YPEL2: variants seen among roughly 807,000 people sequenced by gnomAD.
The protein encoded by YPEL2 is yippee like 2, also known as protein yippee-like 2.
A neutral mutation model predicts 19.1 loss-of-function variants in YPEL2; 2 were observed. The ratio of observed to expected loss-of-function variants is 0.10; its 90% CI spans 0.04 to 0.33. The LOEUF is 0.33. YPEL2 is among the 10% of genes least tolerant of loss of function. The pLI, the probability that YPEL2 is intolerant of heterozygous loss-of-function variation, is 1.00. For synonymous variants in YPEL2, 52 were observed against 50.0 expected (o/e 1.04, Z -0.17); for missense variants, 66 against 140.7 (o/e 0.47, Z 2.68).
intron 1 of YPEL2, among the ~76,000 whole-genome samples, chr17:59,339,915 C>G (rs73323182): frequency 0.045 from 6,822 of 152,076 alleles, 522 homozygotes; most frequent in African/African-American, 0.15. Context: ...TCCAGGGTCT[C>G]TCTCCCAAAC....
At chr17:59,361,151 C>T (rs960367849) in intron 2 of YPEL2, among the ~76,000 whole-genome samples, 3 of 152,244 alleles carry the variant, frequency 2.0e-5, no homozygotes, top group Middle Eastern at 3.4e-3. Flanking sequence ...TTGTATAGCA[C>T]GGTTGGTCCA....
chr17:59,365,240 T>C (rs2047862464), intron 2 of YPEL2, among the ~76,000 whole-genome samples: 1 of 152,190 alleles, frequency 6.6e-6, no homozygotes, highest in African/African-American at 2.4e-5. Flanking sequence ...ATCTGTCGTC[T>C]TTTGAGGCCT....
At chr17:59,344,572 A>C (rs905488615) in intron 1 of YPEL2, among the ~76,000 whole-genome samples, 1 of 152,184 alleles carries the variant, frequency 6.6e-6, no homozygotes, top group African/African-American at 2.4e-5. Flanking sequence ...AGCCTGGCCA[A>C]CTTGGCGAAA....
At chr17:59,360,478 AC>A (rs2047835285) in intron 2 of YPEL2, among the ~76,000 whole-genome samples, 1 of 152,216 alleles carries the variant, frequency 6.6e-6, no homozygotes, top group Non-Finnish European at 1.5e-5. Flanking sequence ...CAGTTGCAAG[AC>A]ATGCTCTACC....
At chr17:59,391,232 A>C (rs1025488458) in intron 4 of YPEL2, among the ~76,000 whole-genome samples, 9 of 152,290 alleles carry the variant, frequency 5.9e-5, no homozygotes, top group African/African-American at 2.2e-4. Flanking sequence ...GGAGTTGTCA[A>C]ACCTGCCGCA....
intron 1 of YPEL2, among the ~76,000 whole-genome samples, chr17:59,349,417 C>T (rs1413598147): frequency 1.3e-5 from 2 of 148,804 alleles, no homozygotes; most frequent in Admixed American, 6.7e-5. Flanking sequence ...AGGCTGCAAC[C>T]TCCGCCTCCC....
chr17:59,389,026 C>A, intron 3 of YPEL2: 1 of 343,582 alleles, frequency 2.9e-6, no homozygotes, highest in African/African-American at 2.1e-5. Flanking sequence ...AGGACCTGTG[C>A]CCATGGCTGT....
chr17:59,370,247 TA>T (rs1752178605), intron 2 of YPEL2, among the ~76,000 whole-genome samples: 1 of 152,104 alleles, frequency 6.6e-6, no homozygotes, highest in Non-Finnish European at 1.5e-5. Context: ...TATTTTTTAG[TA>T]GAGACGGGGT....
At chr17:59,332,172 G>A (rs1000190729) in intron 1 of YPEL2, among the ~76,000 whole-genome samples, 4 of 151,940 alleles carry the variant, frequency 2.6e-5, no homozygotes, top group African/African-American at 4.8e-5. Flanking sequence ...TGGAATCGCC[G>A]CTTCCTCCTC....
At chr17:59,344,940 C>CA (rs2047748777) in intron 1 of YPEL2, among the ~76,000 whole-genome samples, 1 of 152,164 alleles carries the variant, frequency 6.6e-6, no homozygotes, top group South Asian at 2.1e-4. Context: ...TTGTGGAAGA[C>CA]AATTTTTCCA....
chr17:59,397,046 T>G, intron 4 of YPEL2, 55 bp from the exon 5 acceptor site: 1 of 1,401,040 alleles, frequency 7.1e-7, no homozygotes, highest in Non-Finnish European at 9.8e-7. Flanking sequence ...AAAAAAAAAA[T>G]CATTTTCTTG....
At chr17:59,339,178 C>A (rs1002642700) in intron 1 of YPEL2, among the ~76,000 whole-genome samples, 1 of 144,284 alleles carries the variant, frequency 6.9e-6, no homozygotes, top group East Asian at 2.2e-4. Flanking sequence ...GGGGGTCCCT[C>A]CCTACATTGA....
chr17:59,346,488 G>A (rs1047799690), intron 1 of YPEL2, among the ~76,000 whole-genome samples: 2 of 152,096 alleles, frequency 1.3e-5, no homozygotes, highest in Non-Finnish European at 2.9e-5. Context: ...ATGGAGTCTC[G>A]GGACGCAGAG....
At chr17:59,341,630 C>T (rs1046206364) in intron 1 of YPEL2, among the ~76,000 whole-genome samples, 1 of 151,902 alleles carries the variant, frequency 6.6e-6, no homozygotes, top group Non-Finnish European at 1.5e-5. Flanking sequence ...TGCACTCCAG[C>T]GTGGGCAACA....
At chr17:59,333,016 A>T (rs1200691242) in intron 1 of YPEL2, among the ~76,000 whole-genome samples, 1 of 152,124 alleles carries the variant, frequency 6.6e-6, no homozygotes, top group Admixed American at 6.5e-5. Context: ...CCTGTGCCTC[A>T]CAGAGCATTA....
intron 2 of YPEL2, among the ~76,000 whole-genome samples, chr17:59,380,018 G>A (rs553636466): frequency 6.6e-6 from 1 of 151,572 alleles, no homozygotes; most frequent in African/African-American, 2.4e-5. Flanking sequence ...GCATCACCAC[G>A]CCCAGCTAAT....
At chr17:59,351,300 G>C (rs1002882025) in intron 1 of YPEL2, among the ~76,000 whole-genome samples, 2 of 152,108 alleles carry the variant, frequency 1.3e-5, no homozygotes, top group African/African-American at 2.4e-5. Flanking sequence ...GCTTGAACCC[G>C]GGAGGCGGAG....
intron 2 of YPEL2, among the ~76,000 whole-genome samples, chr17:59,366,576 T>A (rs2047870523): frequency 6.6e-6 from 1 of 152,198 alleles, no homozygotes; most frequent in Admixed American, 6.5e-5. Flanking sequence ...CTCTGATGCA[T>A]CTTTGGAGGA....
chr17:59,342,793 A>C (rs1400317818), intron 1 of YPEL2, among the ~76,000 whole-genome samples: 3 of 152,190 alleles, frequency 2.0e-5, no homozygotes, highest in Non-Finnish European at 4.4e-5. Context: ...CAAGTCTGAC[A>C]CTTCATTTTT....
Sources: allele counts gnomAD v4.1 joint callset (sites outside exome capture counted in the v4.1 genomes callset), GRCh38; gene constraint gnomAD v4.1.1; transcripts MANE v1.5; gene names NCBI Gene and HGNC (gene_info 2026-07-23, HGNC 2026-07-21).